SLC2A13: variants seen among roughly 807,000 people sequenced by gnomAD.
SLC2A13 encodes solute carrier family 2 member 13, also known as proton myo-inositol cotransporter.
A neutral mutation model predicts 64.4 loss-of-function variants in SLC2A13; 32 were observed. That is an observed-to-expected ratio of 0.50 (90% CI 0.37 to 0.67). The LOEUF (loss-of-function observed/expected upper bound fraction) is 0.67, where lower values mean the gene tolerates loss of function less well. SLC2A13 is among the 30% of genes least tolerant of loss of function. SLC2A13 has a pLI of 0.00. For synonymous variants in SLC2A13, 338 were observed against 327.1 expected (o/e 1.03, Z -0.36); for missense variants, 743 against 829.2 (o/e 0.90, Z 1.28).
At chr12:39,861,820 T>C (rs1943766819) in intron 6 of SLC2A13, among the ~76,000 whole-genome samples, 1 of 152,206 alleles carries the variant, frequency 6.6e-6, no homozygotes, top group Non-Finnish European at 1.5e-5. Flanking sequence ...CATCTGTCTT[T>C]ATCTTTGTGC....
At chr12:40,071,639 C>A (rs1239605769) in intron 1 of SLC2A13, among the ~76,000 whole-genome samples, 1 of 152,080 alleles carries the variant, frequency 6.6e-6, no homozygotes, top group Non-Finnish European at 1.5e-5. Flanking sequence ...GAACCTGGTG[C>A]TTTCAGTTTT....
In SLC2A13 at chr12:40,048,132, T is replaced by A; in HGVS notation, c.635A>T (p.Asn212Ile). 6.2e-7 allele frequency: 1 copy of A among 1,613,678 alleles called. No individual in the cohort carries two copies. The highest frequency in any genetic ancestry group is 8.5e-7 in the Non-Finnish European group (1 of 1,179,760). ...PNLRGRLVTINTLFITGGQFF... is the reference protein window; with the variant it reads ...PNLRGRLVTIITLFITGGQFF... ...CTGCCCTCCTGTGATGAAGAGGGTA[T>A]TAATGGTGACTAATCGGCCTCTTAA... Residue 212 changes from asparagine (N) to isoleucine (I), a missense_variant, in exon 2 of 10, where the codon AAT (asparagine) becomes ATT (isoleucine). Around this residue, in one of 2 missense-constraint regions of SLC2A13, gnomAD observed 448 missense variants for 447.4 expected, o/e 1.00. Coordinates refer to ENST00000280871, the MANE Select transcript of SLC2A13 (RefSeq NM_052885.4).
chr12:39,803,564 A>T (rs1941874950), intron 7 of SLC2A13, among the ~76,000 whole-genome samples: 2 of 152,316 alleles, frequency 1.3e-5, no homozygotes, highest in South Asian at 4.1e-4. Flanking sequence ...ATACATACAC[A>T]CACATACACA....
intron 4 of SLC2A13, among the ~76,000 whole-genome samples, chr12:39,927,001 C>G (rs1446359388): frequency 1.3e-5 from 2 of 152,144 alleles, no homozygotes; most frequent in African/African-American, 2.4e-5. Flanking sequence ...AAAAGCTGGA[C>G]AATTGATAAA....
intron 7 of SLC2A13, among the ~76,000 whole-genome samples, chr12:39,773,797 C>T (rs188090297): frequency 2.8e-4 from 43 of 152,294 alleles, no homozygotes; most frequent in African/African-American, 9.9e-4. Context: ...GTCCTAATCA[C>T]TGATAAATGT....
intron 3 of SLC2A13, among the ~76,000 whole-genome samples, chr12:39,990,381 A>G (rs145152823): frequency 6.6e-6 from 1 of 152,312 alleles, no homozygotes; most frequent in African/African-American, 2.4e-5. Context: ...CATATTTTAC[A>G]TGGGGAGTGT....
intron 6 of SLC2A13, among the ~76,000 whole-genome samples, chr12:39,859,855 A>G (rs746102520): frequency 5.3e-5 from 8 of 152,142 alleles, no homozygotes; most frequent in Non-Finnish European, 1.0e-4. Flanking sequence ...AAGAAAAAGT[A>G]TAATGAACTA....
Position 39,819,432 on chromosome 12 carries a change from G to A in SLC2A13, c.1445+10671C>T, listed in dbSNP as rs148903579. 3.5e-3 allele frequency among the ~76,000 whole-genome samples: 535 copies of A among 152,148 alleles called. 5 individuals are homozygous for A. Among genetic ancestry groups the A allele is most frequent in the Middle Eastern group, 0.024 (7 of 294 alleles). On this transcript the variant is annotated intron_variant, in intron 7 of 9. Transcript: ENST00000280871. ...TTACAGTCCATATCTTGTATCTGAA[G>A]TGCTCTGTCCCATAGTTTACTACAA...
chr12:39,783,927 A>AAT (rs1941090289), intron 7 of SLC2A13, among the ~76,000 whole-genome samples: 1 of 152,204 alleles, frequency 6.6e-6, no homozygotes, highest in African/African-American at 2.4e-5. Flanking sequence ...CCTGTACACA[A>AAT]ATAACAGACA....
At chr12:39,823,755 A>G (rs1204385097) in intron 7 of SLC2A13, among the ~76,000 whole-genome samples, 1 of 152,186 alleles carries the variant, frequency 6.6e-6, no homozygotes, top group Admixed American at 6.6e-5. Flanking sequence ...GGCTTCTTCC[A>G]ATAATTTTTA....
intron 4 of SLC2A13, among the ~76,000 whole-genome samples, chr12:39,884,519 T>C (rs535860821): frequency 6.6e-6 from 1 of 152,302 alleles, no homozygotes; most frequent in South Asian, 2.1e-4. Context: ...AAGTACATCA[T>C]GGCCAAATGT....
At chr12:39,908,096 G>A (rs7135099) in intron 4 of SLC2A13, 146,110 of 151,942 alleles carry the variant, frequency 0.96, 70,550 homozygotes, top group East Asian at 1. Context: ...TTTCTTCCTA[G>A]ATTTCACTTT....
rs888194748 is a variant in SLC2A13, at chr12:39,864,619, C to T, written c.1319+143G>A. 4 of 1,140,216 alleles carry T rather than the reference C, an allele frequency of 3.5e-6. No individual in the cohort carries two copies. In the Admixed American group the frequency reaches 7.3e-5, roughly 21 times the overall value. 70.6% of individuals were successfully genotyped at this position (1,140,216 alleles called of 1,614,324 possible). ...CCTCTTCCTAGGGGCCCCTCTCTAC[C>T]ACCTTTCCCATTTTCTTCCCTTCTT... is the stretch of plus-strand genomic sequence containing the variant. On this transcript the variant is annotated intron_variant, in intron 6 of 9. Transcript: ENST00000280871.
intron 4 of SLC2A13, among the ~76,000 whole-genome samples, chr12:39,879,121 C>A (rs1211833542): frequency 1.3e-5 from 2 of 152,232 alleles, no homozygotes; most frequent in Non-Finnish European, 2.9e-5. Flanking sequence ...ATGCAGAATG[C>A]AAAAGTGAAG....
chr12:40,104,889 T>G (rs932074135), intron 1 of SLC2A13, among the ~76,000 whole-genome samples: 1 of 152,148 alleles, frequency 6.6e-6, no homozygotes, highest in Admixed American at 6.5e-5. Flanking sequence ...GCAGAGACCC[T>G]CGTAAGCTCA....
At chr12:40,078,548 G>A (rs1021913357) in intron 1 of SLC2A13, among the ~76,000 whole-genome samples, 3 of 152,094 alleles carry the variant, frequency 2.0e-5, no homozygotes, top group African/African-American at 7.2e-5. Flanking sequence ...CTAGTGTTTT[G>A]TTAAGGATTT....
chr12:39,795,912 T>G (rs1282963504), intron 7 of SLC2A13, among the ~76,000 whole-genome samples: 1 of 152,174 alleles, frequency 6.6e-6, no homozygotes, highest in Non-Finnish European at 1.5e-5. Flanking sequence ...AATTCATCCT[T>G]TTAAAGCATA....
intron 1 of SLC2A13, among the ~76,000 whole-genome samples, chr12:40,086,574 A>T (rs1164824110): frequency 2.6e-5 from 4 of 152,226 alleles, no homozygotes; most frequent in African/African-American, 9.6e-5. Flanking sequence ...TTGGTTAAAT[A>T]CACCACATGC....
intron 3 of SLC2A13, among the ~76,000 whole-genome samples, chr12:39,958,487 A>G (rs780198238): frequency 1.2e-4 from 19 of 152,188 alleles, no homozygotes; most frequent in Non-Finnish European, 2.4e-4. Flanking sequence ...CATGTGTTCA[A>G]TAAGAAGCCT....
Sources: gnomAD v4.1 joint callset for allele counts (sites outside exome capture counted in the v4.1 genomes callset) on GRCh38, gnomAD v4.1.1 for gene constraint, gnomAD v4.1.1 regional missense constraint, MANE v1.5 for transcripts, NCBI Gene and HGNC (gene_info 2026-07-23, HGNC 2026-07-21) for gene names.